CACNA2D4: variants seen among roughly 807,000 people sequenced by gnomAD.
The protein encoded by CACNA2D4 is voltage-dependent calcium channel subunit alpha-2/delta-4.
Under a neutral mutation model 163.8 loss-of-function variants are expected in CACNA2D4, and 157 were observed. The observed-to-expected ratio is 0.96, with a 90% CI of 0.84 to 1.09. The LOEUF is 1.09. Among genes scored for constraint, CACNA2D4 ranks in the 50% least tolerant of loss-of-function variants. CACNA2D4 has a pLI of 0.00. For missense variants in CACNA2D4, 1,410 were observed against 1,479.9 expected, an observed-to-expected ratio of 0.95 and a Z score of 0.78; for synonymous variants, 598 against 586.9, an observed-to-expected ratio of 1.02 and a Z score of -0.27.
intron 18 of CACNA2D4, among the ~76,000 whole-genome samples, chr12:1,867,843 A>G (rs572139524): frequency 3.9e-4 from 59 of 152,340 alleles, no homozygotes; most frequent in African/African-American, 1.4e-3. Context: ...AAGACATAAA[A>G]TGGCCAACAG....
chr12:1,909,522 T>C (rs914091619), intron 4 of CACNA2D4, among the ~76,000 whole-genome samples: 5 of 152,236 alleles, frequency 3.3e-5, no homozygotes, highest in Admixed American at 6.5e-5. Flanking sequence ...GTTTTCTTTC[T>C]GCTGTGACCA....
rs115058089 is a variant in CACNA2D4, at chr12:1,898,354, T to C, written c.781+9086A>G. ...CAACAAGAGGTTAATGTTCAGAATA[T>C]ACAAAGAACTCCTATGACTCAACAA... is the stretch of plus-strand genomic sequence containing the variant. On this transcript the variant is annotated intron_variant, in intron 6 of 37. Coordinates refer to ENST00000382722, the MANE Select transcript of CACNA2D4 (RefSeq NM_172364.5). 9.4e-3 allele frequency among the ~76,000 whole-genome samples: 1,419 copies of C among 151,490 alleles called. 19 individuals are homozygous for C. Among genetic ancestry groups the C allele is most frequent in the African/African-American group, 0.033 (1,355 of 41,074 alleles).
At position 1,793,766 on chromosome 12, in the gene CACNA2D4, A is replaced by T. The variant is rs771223358; in HGVS notation, c.3310-7T>A. ...CGCAGTCCTGGGCATTCTCCTGCGA[A>T]CGCAGAGCAGAGGTGACAGCGCGGC... On this transcript the variant is annotated splice_region_variant and splice_polypyrimidine_tract_variant and intron_variant, in intron 37 of 37. Transcript: ENST00000382722. 4.3e-6 allele frequency: 7 copies of T among 1,611,688 alleles called. No individual in the cohort carries two copies. In the African/African-American group the frequency reaches 9.3e-5, roughly 22 times the overall value.
chr12:1,857,709 C>A (rs1462816298), intron 20 of CACNA2D4, among the ~76,000 whole-genome samples: 1 of 152,138 alleles, frequency 6.6e-6, no homozygotes, highest in Non-Finnish European at 1.5e-5. Context: ...TCTTCTCTCC[C>A]CGCCTCCACC....
intron 18 of CACNA2D4, among the ~76,000 whole-genome samples, chr12:1,872,088 C>T (rs760999609): frequency 2.0e-5 from 3 of 152,176 alleles, no homozygotes; most frequent in East Asian, 1.9e-4. Context: ...ATGGGAGGCC[C>T]GCCAGCCAAA....
Position 1,828,475 on chromosome 12 carries a change from C to T in CACNA2D4, c.2551+12264G>A, listed in dbSNP as rs940707818. Among the ~76,000 whole-genome samples, 6 of 152,248 alleles carry T rather than the reference C, an allele frequency of 3.9e-5. No homozygotes were observed. Among genetic ancestry groups the T allele is most frequent in the Middle Eastern group, 3.2e-3 (1 of 316 alleles). On this transcript the variant is annotated intron_variant, in intron 26 of 37. Coordinates refer to ENST00000382722, the MANE Select transcript of CACNA2D4 (RefSeq NM_172364.5). The surrounding 1 kb of genome is among the most constrained non-coding windows in gnomAD (Gnocchi z 4.2). ...GCCACGACAGTTGTTCTACCTCCCC[C>T]AGGTAAGTCTCTGTGAGCTTGCTGG...
At chr12:1,795,827 G>T in intron 35 of CACNA2D4, 47 bp from the exon 36 acceptor site, 2 of 1,218,130 alleles carry the variant, frequency 1.6e-6, no homozygotes, top group Non-Finnish European at 2.4e-6. Context: ...GCGACCACGA[G>T]AAGGGCTTCT....
chr12:1,867,731 C>T (rs1043979401), intron 18 of CACNA2D4, among the ~76,000 whole-genome samples: 22 of 106,786 alleles, frequency 2.1e-4, no homozygotes, highest in African/African-American at 8.3e-4. Flanking sequence ...ATATAAGGAA[C>T]CCACACAACT....
chr12:1,860,490 G>A (rs1865500586), intron 18 of CACNA2D4, among the ~76,000 whole-genome samples: 2 of 152,276 alleles, frequency 1.3e-5, no homozygotes, highest in African/African-American at 2.4e-5. Flanking sequence ...CTGAGCACTT[G>A]AAATGTGTGG....
In CACNA2D4 at chr12:1,914,796, C is replaced by T. The variant is rs557814546; in HGVS notation, c.309+58G>A. ...CCCTCACAGCACCGGCATTTGGGGG[C>T]TTCGATGGCTGACTGCCCTCTGCCA... is the stretch of plus-strand genomic sequence containing the variant. On this transcript the variant is annotated intron_variant, in intron 2 of 37. Coordinates refer to ENST00000382722, the MANE Select transcript of CACNA2D4 (RefSeq NM_172364.5). The T allele has an allele frequency of 2.5e-5, 30 of 1,204,036 alleles. 1 individual carries two copies. In the South Asian group the frequency reaches 3.1e-4, roughly 12 times the overall value. 74.6% of individuals were successfully genotyped at this position (1,204,036 alleles called of 1,614,324 possible).
At chr12:1,827,960 A>G (rs76320768) in intron 26 of CACNA2D4, 18,389 of 422,858 alleles carry the variant, frequency 0.043, 495 homozygotes, top group South Asian at 0.072. Context: ...ATCATAACTG[A>G]GAGGAACAGG....
At chr12:1,886,124 G>C (rs1866137326) in intron 8 of CACNA2D4, 85 bp from the exon 9 acceptor site, 1 of 1,530,826 alleles carries the variant, frequency 6.5e-7, no homozygotes. Context: ...AGACACTCAT[G>C]CAGGTCACCG....
chr12:1,795,513 CG>C, intron 36 of CACNA2D4, 132 bp from the exon 37 acceptor site: 2 of 987,166 alleles, frequency 2.0e-6, no homozygotes, highest in Non-Finnish European at 3.1e-6. Flanking sequence ...GAGGCAGCAC[CG>C]GGGCCCAGGG....
rs1028309066 is a variant in CACNA2D4 at position 1,874,803 on chromosome 12, G to A, written c.1807-128C>T. ...TGGTTCTTCCCTTTTTCCTCTGAGA[G>A]AGATACCAGGAGGGAAGATGGACCT... On this transcript the variant is annotated intron_variant, in intron 17 of 37. Transcript: ENST00000382722. The surrounding 1 kb of genome is among the most constrained non-coding windows in gnomAD (Gnocchi z 4.4). 2.8e-6 allele frequency: 2 copies of A among 711,020 alleles called. No individual in the cohort carries two copies. Among genetic ancestry groups the A allele is most frequent in the Admixed American group, 4.2e-5 (2 of 47,618 alleles). The allele number at this position is 711,020 out of a possible 1,614,324, so 44.0% of individuals were successfully genotyped here. A position where few individuals can be genotyped will look rare whatever the true frequency, so the allele number is the denominator to read the frequency against.
intron 29 of CACNA2D4, among the ~76,000 whole-genome samples, chr12:1,803,640 A>G (rs1054837191): frequency 6.6e-6 from 1 of 152,250 alleles, no homozygotes; most frequent in African/African-American, 2.4e-5. Context: ...AAGCAGCAGG[A>G]AAACAGATTC....
At chr12:1,877,244 A>G (rs1354852553) in intron 16 of CACNA2D4, among the ~76,000 whole-genome samples, 1 of 152,236 alleles carries the variant, frequency 6.6e-6, no homozygotes. Context: ...TAGAGTACAT[A>G]GATGGTAACA....
chr12:1,818,464 A>T (rs1863960616), intron 26 of CACNA2D4, among the ~76,000 whole-genome samples: 1 of 151,196 alleles, frequency 6.6e-6, no homozygotes, highest in Admixed American at 6.6e-5. Flanking sequence ...TTGATCTGTG[A>T]CCTTACTCCC....
In CACNA2D4 at chr12:1,795,295, G is replaced by A. The variant is rs1212816358; in HGVS notation, c.3309+4C>T. On this transcript the variant is annotated splice_donor_region_variant and intron_variant, in intron 37 of 37. Coordinates refer to ENST00000382722, the MANE Select transcript of CACNA2D4 (RefSeq NM_172364.5). ...GCCCACCCTCGATCCGCCTCAACCCGCACCTCTGGATGGAAGGCGTGGCAG... is the reference window on the plus strand; with the variant it reads ...GCCCACCCTCGATCCGCCTCAACCCACACCTCTGGATGGAAGGCGTGGCAG... 2.5e-6 allele frequency: 4 copies of A among 1,612,804 alleles called. No homozygotes were observed. Among genetic ancestry groups the A allele is most frequent in the East Asian group, 2.2e-5 (1 of 44,876 alleles).
At chr12:1,910,041 CCGGG>C in intron 3 of CACNA2D4, 76 bp from the exon 4 acceptor site, 1 of 1,241,274 alleles carries the variant, frequency 8.1e-7, no homozygotes, top group Non-Finnish European at 1.2e-6. Flanking sequence ...GAAACAGTTG[CCGGG>C]TGACCCAGCA....
Sources: gnomAD v4.1 joint callset for allele counts (sites outside exome capture counted in the v4.1 genomes callset) on GRCh38, gnomAD v4.1.1 for gene constraint, Gnocchi (gnomAD v3.1) non-coding constraint, MANE v1.5 for transcripts, NCBI Gene and HGNC (gene_info 2026-07-23, HGNC 2026-07-21) for gene names.